TMEM181: variants seen among roughly 807,000 people sequenced by gnomAD.
TMEM181 encodes transmembrane protein 181, also known as G protein-coupled receptor 178.
TMEM181 carries 39 observed loss-of-function variants against 71.9 expected under a neutral mutation model. That is an observed-to-expected ratio of 0.54 (90% CI 0.42 to 0.71). The LOEUF (loss-of-function observed/expected upper bound fraction) is 0.71. Ranked by LOEUF, TMEM181 falls within the 30% of genes least tolerant of loss-of-function variation. The pLI is 0.00. For missense variants in TMEM181, 595 were observed against 583.0 expected (o/e 1.02, Z -0.21); for synonymous variants, 245 against 228.8 (o/e 1.07, Z -0.64).
At chr6:158,630,895 G>A (rs1389720584) in intron 15 of TMEM181, among the ~76,000 whole-genome samples, 1 of 151,764 alleles carries the variant, frequency 6.6e-6, no homozygotes, top group East Asian at 1.9e-4. Flanking sequence ...TCTCACTTAA[G>A]CTTCACAGCA....
At chr6:158,544,039 C>T (rs1328604394) in intron 1 of TMEM181, among the ~76,000 whole-genome samples, 1 of 152,132 alleles carries the variant, frequency 6.6e-6, no homozygotes, top group South Asian at 2.1e-4. Flanking sequence ...ATCTCAGATC[C>T]CTCCTGGCTC....
At position 158,634,037 on chromosome 6, in the gene TMEM181, G is replaced by C. The variant is rs760499099; in HGVS notation, c.*2149G>C. On this transcript the variant is annotated 3_prime_UTR_variant, in exon 17 of 17. Transcript: ENST00000684151. ...ACACACTAGAACTTTTTAAAACTTT[G>C]TCCTATAGTGTAATTATAAACTGAT... The C allele has an allele frequency of 3.9e-5, 6 of 152,116 alleles. No individual in the cohort carries two copies. Among genetic ancestry groups the C allele is most frequent in the Non-Finnish European group, 7.4e-5 (5 of 68,014 alleles). The allele number at this position is 152,116 out of a possible 1,614,324, so 9.4% of individuals were successfully genotyped here.
At chr6:158,573,171 G>T (rs1239989305) in intron 1 of TMEM181, among the ~76,000 whole-genome samples, 1 of 152,198 alleles carries the variant, frequency 6.6e-6, no homozygotes, top group Non-Finnish European at 1.5e-5. Context: ...GCTGCGTGCA[G>T]ACCGCGGTGG....
At chr6:158,562,488 G>T (rs556055511) in intron 1 of TMEM181, among the ~76,000 whole-genome samples, 3 of 145,242 alleles carry the variant, frequency 2.1e-5, no homozygotes, top group South Asian at 4.4e-4. Context: ...TGCTTGGCAC[G>T]TGAAGCCATT....
upstream of TMEM181, among the ~76,000 whole-genome samples, chr6:158,557,048 A>C (rs548187393): frequency 6.3e-4 from 96 of 152,182 alleles, no homozygotes; most frequent in Non-Finnish European, 2.8e-4. Flanking sequence ...CCTGTTTTTA[A>C]TACAAGTGAC....
intron 16 of TMEM181, 46 bp from the exon 17 acceptor site, chr6:158,631,764 A>G: frequency 2.6e-6 from 4 of 1,543,860 alleles, no homozygotes; most frequent in Non-Finnish European, 1.8e-6. Flanking sequence ...AGGAAAATAA[A>G]GAGCTGTCAG....
At chr6:158,608,806 G>GGA (rs1785117298) in intron 10 of TMEM181, 56 bp downstream of exon 10, 1 of 1,540,958 alleles carries the variant, frequency 6.5e-7, no homozygotes, top group Non-Finnish European at 8.9e-7. Flanking sequence ...TGACAAAAGT[G>GGA]GAAAGGCCAG....
chr6:158,630,632 G>C (rs1452058681), intron 15 of TMEM181, among the ~76,000 whole-genome samples: 1 of 151,600 alleles, frequency 6.6e-6, no homozygotes, highest in Admixed American at 6.6e-5. Context: ...TTGACTTCAC[G>C]ATATTTTCAA....
upstream of TMEM181, among the ~76,000 whole-genome samples, chr6:158,557,919 C>T (rs145946823): frequency 2.4e-3 from 369 of 152,300 alleles, 3 homozygotes; most frequent in South Asian, 5.0e-3. Context: ...GAGAGTTGTT[C>T]CTGGCACACA....
intron 1 of TMEM181, among the ~76,000 whole-genome samples, chr6:158,544,916 A>C (rs1024853175): frequency 1.3e-5 from 2 of 152,256 alleles, no homozygotes; most frequent in Non-Finnish European, 2.9e-5. Context: ...TGTCTTCTGA[A>C]CAAGCAATGA....
chr6:158,594,783 G>A (rs936711021), intron 6 of TMEM181, among the ~76,000 whole-genome samples: 4 of 152,136 alleles, frequency 2.6e-5, no homozygotes, highest in South Asian at 4.1e-4. Context: ...TGCCTCCTGG[G>A]TTCAAGCGAT....
At chr6:158,553,846 C>G (rs1255854244) in intron 1 of TMEM181, among the ~76,000 whole-genome samples, 1 of 152,136 alleles carries the variant, frequency 6.6e-6, no homozygotes, top group Non-Finnish European at 1.5e-5. Flanking sequence ...GAAACTGTGA[C>G]TGGGTGAAAC....
intron 6 of TMEM181, among the ~76,000 whole-genome samples, chr6:158,594,689 TTTG>T (rs139785065): frequency 1.6e-3 from 243 of 152,280 alleles, no homozygotes; most frequent in African/African-American, 5.4e-3. Flanking sequence ...CAACTTCTTT[TTTG>T]TTGTTGTTCT....
chr6:158,575,072 C>G lies in TMEM181; in HGVS notation c.112+1549C>G, dbSNP rs143949104. Among the ~76,000 whole-genome samples the G allele has an allele frequency of 3.3e-3, 500 of 152,328 alleles. 1 individual carries two copies. The highest frequency in any genetic ancestry group is 0.011 in the African/African-American group (468 of 41,580). The stretch of plus-strand genomic sequence containing the variant: ...GTCCACCCACATTGGAGAGAGCAAT[C>G]TGCTTGACTCAGTCTACCGATTCAC... On this transcript the variant is annotated intron_variant, in intron 2 of 16. Coordinates refer to ENST00000684151, the MANE Select transcript of TMEM181 (RefSeq NM_001376852.1).
At chr6:158,549,156 T>C (rs913937658) in intron 1 of TMEM181, among the ~76,000 whole-genome samples, 7 of 140,846 alleles carry the variant, frequency 5.0e-5, no homozygotes, top group Non-Finnish European at 1.1e-4. Flanking sequence ...CTCTCTCTGT[T>C]GCCCAGGCTG....
In TMEM181 at chr6:158,589,783, G is replaced by A. The variant is rs1784001805; in HGVS notation, c.492+1G>A. On this transcript the variant is annotated splice_donor_variant, in intron 6 of 16. Transcript: ENST00000684151. LOFTEE classifies it high-confidence loss of function. ...CCCCATCAAGGGAATGAACTTCACA[G>A]TAAGTATACCAGCTGACTGCACGTT... The A allele has an allele frequency of 1.2e-5, 19 of 1,601,896 alleles. No homozygotes were observed. Among genetic ancestry groups the A allele is most frequent in the Non-Finnish European group, 1.5e-5 (18 of 1,169,054 alleles).
At chr6:158,626,812 C>T (rs745924587) in intron 13 of TMEM181, 150 of 404,590 alleles carry the variant, frequency 3.7e-4, no homozygotes, top group Non-Finnish European at 4.1e-4. Flanking sequence ...CACAACTGAC[C>T]CACCCTCACA....
Position 158,633,825 on chromosome 6 carries a change from A to C in TMEM181, c.*1937A>C, listed in dbSNP as rs1157703318. On this transcript the variant is annotated 3_prime_UTR_variant, in exon 17 of 17. Coordinates refer to ENST00000684151, the MANE Select transcript of TMEM181 (RefSeq NM_001376852.1). The stretch of plus-strand genomic sequence containing the variant: ...ATGTTTTTTTTATTCTGTGTATTGA[A>C]AAAAATTTTCTGTTACCAAATTTTA... The C allele has an allele frequency of 6.6e-6, 1 of 152,162 alleles. No individual in the cohort carries two copies. The highest frequency in any genetic ancestry group is 1.5e-5 in the Non-Finnish European group (1 of 68,022). 9.4% of individuals were successfully genotyped at this position (152,162 alleles called of 1,614,324 possible). A position where few individuals can be genotyped will look rare whatever the true frequency, so the allele number is the denominator to read the frequency against.
chr6:158,624,986 G>A (rs996072104), intron 11 of TMEM181, 118 bp from the exon 12 acceptor site: 18 of 785,842 alleles, frequency 2.3e-5, no homozygotes, highest in Middle Eastern at 6.3e-4. Flanking sequence ...TTCCTGGAGG[G>A]ACCTTCAGGG....
Sources: gnomAD v4.1 joint callset for allele counts (sites outside exome capture counted in the v4.1 genomes callset) on GRCh38, gnomAD v4.1.1 for gene constraint, MANE v1.5 for transcripts, NCBI Gene and HGNC (gene_info 2026-07-23, HGNC 2026-07-21) for gene names.